The following PTCHD4 variants were observed in gnomAD, a reference collection of about 807,000 sequenced individuals.
PTCHD4 encodes patched domain-containing protein 4.
In PTCHD4, 33 loss-of-function variants were observed where a neutral mutation model predicts 58.1. That is an observed-to-expected ratio of 0.57 (90% CI 0.43 to 0.76). The LOEUF (loss-of-function observed/expected upper bound fraction) is 0.76. Among genes scored for constraint, PTCHD4 ranks in the 30% least tolerant of loss-of-function variants. The pLI is 0.00. For missense variants in PTCHD4, 1,058 were observed against 1,027.1 expected, an observed-to-expected ratio of 1.03 and a Z score of -0.41; for synonymous variants, 478 against 409.6, an observed-to-expected ratio of 1.17 and a Z score of -2.02.
rs117056740 is a variant in PTCHD4, at chr6:47,885,384, C to A, written c.899-5448G>T. Among the ~76,000 whole-genome samples, 13 of 152,206 alleles carry A rather than the reference C, an allele frequency of 8.5e-5. No homozygotes were observed. The East Asian group carries it at 2.3e-3, about 27-fold the overall frequency. On this transcript the variant is annotated intron_variant, in intron 4 of 4. Transcript: ENST00000339488. ...GTAACAATAAGGAAAACCTACATGG[C>A]AGCTTGCTAACATGCCCCCATTTAA...
At chr6:48,019,233 C>CTGTT (rs2114106758) in intron 3 of PTCHD4, among the ~76,000 whole-genome samples, 1 of 152,296 alleles carries the variant, frequency 6.6e-6, no homozygotes. Context: ...AAAGAGGCAA[C>CTGTT]TGTTTATTCA....
chr6:47,999,753 T>C (rs915353663), intron 4 of PTCHD4, among the ~76,000 whole-genome samples: 1 of 152,134 alleles, frequency 6.6e-6, no homozygotes, highest in Non-Finnish European at 1.5e-5. Context: ...ACTAGAAATC[T>C]CCAACATAGT....
chr6:47,885,926 C>T (rs1013680227), intron 4 of PTCHD4, among the ~76,000 whole-genome samples: 1 of 151,982 alleles, frequency 6.6e-6, no homozygotes, highest in Non-Finnish European at 1.5e-5. Flanking sequence ...TCAAGTAATT[C>T]TCCAGCCTTA....
chr6:48,098,118 A>G (rs1360839339), intron 1 of PTCHD4, among the ~76,000 whole-genome samples: 3 of 152,126 alleles, frequency 2.0e-5, no homozygotes, highest in Non-Finnish European at 2.9e-5. Context: ...GACATCAGGA[A>G]AAGCCCAGGA....
intron 3 of PTCHD4, among the ~76,000 whole-genome samples, chr6:48,055,381 T>G (rs1449255883): frequency 6.6e-6 from 1 of 152,164 alleles, no homozygotes; most frequent in African/African-American, 2.4e-5. Flanking sequence ...TGAGAAGCTC[T>G]TATCAAGTTA....
At chr6:47,950,008 C>T (rs1021802600) in intron 4 of PTCHD4, among the ~76,000 whole-genome samples, 56 of 151,474 alleles carry the variant, frequency 3.7e-4, no homozygotes, top group African/African-American at 1.3e-3. Context: ...TTAGGTATAT[C>T]TCCTAATGCT....
chr6:48,071,850 G>A (rs1764980697), intron 1 of PTCHD4, among the ~76,000 whole-genome samples: 1 of 152,112 alleles, frequency 6.6e-6, no homozygotes, highest in African/African-American at 2.4e-5. Flanking sequence ...ACAGTTTTGA[G>A]AAGTATTGGT....
chr6:47,901,783 T>C lies in PTCHD4; in HGVS notation c.899-21847A>G. ...GTGGTGATGATGATGATGATGACGA[T>C]GATGATGATTTTATTGTATCCTAGG... On this transcript the variant is annotated intron_variant, in intron 4 of 4. Transcript: ENST00000339488. 4.8e-6 allele frequency: 6 copies of C among 1,243,408 alleles called. No homozygotes were observed. The South Asian group carries it at 7.0e-5, about 15-fold the overall frequency. 77.0% of individuals were successfully genotyped at this position (1,243,408 alleles called of 1,614,324 possible).
At chr6:47,941,483 T>A (rs902649895) in intron 4 of PTCHD4, among the ~76,000 whole-genome samples, 1 of 152,180 alleles carries the variant, frequency 6.6e-6, no homozygotes, top group African/African-American at 2.4e-5. Flanking sequence ...TTGACATAGT[T>A]AAATTATGTG....
chr6:47,939,443 A>G (rs984530517), intron 4 of PTCHD4, among the ~76,000 whole-genome samples: 3 of 152,066 alleles, frequency 2.0e-5, no homozygotes, highest in African/African-American at 7.3e-5. Flanking sequence ...TGGAGCTAAA[A>G]TTGCCAAAAA....
intron 1 of PTCHD4, among the ~76,000 whole-genome samples, chr6:48,084,454 T>C (rs995911727): frequency 9.2e-5 from 14 of 152,160 alleles, no homozygotes; most frequent in African/African-American, 3.4e-4. Flanking sequence ...ATTTTAGTAG[T>C]GAGTAGTTTA....
In PTCHD4 at chr6:47,870,273, A is replaced by G. The variant is rs1002126789; in HGVS notation, c.*8030T>C. On this transcript the variant is annotated 3_prime_UTR_variant, in exon 5 of 5. Coordinates refer to ENST00000339488, the MANE Select transcript of PTCHD4 (RefSeq NM_001384253.1). ...TAAGATTTGTACCTGTAAGCTTTAG[A>G]TAATAGATTTGTCATGCAGATAAAT... Among the ~76,000 whole-genome samples, 1 of 151,662 alleles carries G rather than the reference A, an allele frequency of 6.6e-6. No individual in the cohort carries two copies. Among genetic ancestry groups the G allele is most frequent in the Non-Finnish European group, 1.5e-5 (1 of 67,718 alleles).
chr6:48,037,243 T>C (rs535506394), intron 3 of PTCHD4, among the ~76,000 whole-genome samples: 4 of 152,160 alleles, frequency 2.6e-5, no homozygotes, highest in Admixed American at 2.0e-4. Flanking sequence ...ATTGTTCTCT[T>C]TTATTATTAG....
chr6:48,042,811 A>G (rs1048838713), intron 3 of PTCHD4, among the ~76,000 whole-genome samples: 1 of 151,968 alleles, frequency 6.6e-6, no homozygotes, highest in Non-Finnish European at 1.5e-5. Context: ...AATAAATATT[A>G]CATCTATCAA....
rs1273684581 is a variant in PTCHD4, at chr6:47,871,128, C to A, written c.*7175G>T. 6.6e-6 allele frequency among the ~76,000 whole-genome samples: 1 copy of A among 151,590 alleles called. No homozygotes were observed. Among genetic ancestry groups the A allele is most frequent in the African/African-American group, 2.4e-5 (1 of 41,360 alleles). ...AATAAAAATGCTCAACTTTTACTCT[C>A]ATTTCTACAATTTGTCTATGCATGG... is the stretch of plus-strand genomic sequence containing the variant. On this transcript the variant is annotated 3_prime_UTR_variant, in exon 5 of 5. Transcript: ENST00000339488.
chr6:47,956,735 G>A (rs1005482167), intron 4 of PTCHD4, among the ~76,000 whole-genome samples: 40 of 152,138 alleles, frequency 2.6e-4, no homozygotes, highest in African/African-American at 8.9e-4. Context: ...TCCTGGCCGA[G>A]AGTATGGTTT....
chr6:48,060,664 G>A (rs1764594052), intron 3 of PTCHD4, among the ~76,000 whole-genome samples: 1 of 152,062 alleles, frequency 6.6e-6, no homozygotes. Flanking sequence ...TCATAGAGAT[G>A]GGGTTTCACC....
At chr6:47,904,796 T>A (rs1417303017) in intron 4 of PTCHD4, among the ~76,000 whole-genome samples, 1 of 152,166 alleles carries the variant, frequency 6.6e-6, no homozygotes, top group Admixed American at 6.5e-5. Context: ...TAGAGAGATA[T>A]CAAATACATA....
chr6:47,936,096 T>TA (rs1252027911), intron 4 of PTCHD4, among the ~76,000 whole-genome samples: 2 of 152,156 alleles, frequency 1.3e-5, no homozygotes, highest in Non-Finnish European at 2.9e-5. Context: ...GATTTACATA[T>TA]AATTGTGCAT....
Sources: gnomAD v4.1 joint callset for allele counts (sites outside exome capture counted in the v4.1 genomes callset) on GRCh38, gnomAD v4.1.1 for gene constraint, MANE v1.5 for transcripts, NCBI Gene and HGNC (gene_info 2026-07-23, HGNC 2026-07-21) for gene names.